The following SDK2 variants were observed in gnomAD, a reference collection of about 807,000 sequenced individuals.
SDK2 encodes the protein sidekick cell adhesion molecule 2.
Under a neutral mutation model 253.9 loss-of-function variants are expected in SDK2, and 105 were observed. The observed-to-expected ratio is 0.41, with a 90% CI of 0.35 to 0.49. SDK2 has a LOEUF of 0.49. Ranked by LOEUF, SDK2 falls within the 20% of genes least tolerant of loss-of-function variation. The pLI is 0.06. For synonymous variants in SDK2, 1,249 were observed against 1,234.9 expected, an observed-to-expected ratio of 1.01 and a Z score of -0.24; for missense variants, 2,608 against 3,003.0, an observed-to-expected ratio of 0.87 and a Z score of 3.07.
chr17:73,445,698 T>TGGCAGGCAGGCAGGCAGGCA (rs35240393), intron 5 of SDK2, among the ~76,000 whole-genome samples: 2 of 151,226 alleles, frequency 1.3e-5, no homozygotes, highest in African/African-American at 4.9e-5. Context: ...ACAAATTGGT[T>TGGCAGGCAGGCAGGCAGGCA]GGCAGGCAGG....
rs1250518078 is a variant in SDK2, at chr17:73,496,782, C to T, written c.224+10656G>A. Reference sequence around the variant, plus strand: ...TACTTGCCTGTGAGGATTCCCCCTCCACTCCCTGCCCCGACTTGCTCATCC... The same window carrying T: ...TACTTGCCTGTGAGGATTCCCCCTCTACTCCCTGCCCCGACTTGCTCATCC... On this transcript the variant is annotated intron_variant, in intron 2 of 44. Coordinates refer to ENST00000392650, the MANE Select transcript of SDK2 (RefSeq NM_001144952.2). The surrounding 1 kb of genome is among the most constrained non-coding windows in gnomAD (Gnocchi z 4.7). Among the ~76,000 whole-genome samples, 2 of 152,200 alleles carry T rather than the reference C, an allele frequency of 1.3e-5. No individual in the cohort carries two copies. The highest frequency in any genetic ancestry group is 2.9e-5 in the Non-Finnish European group (2 of 68,046).
chr17:73,580,385 G>C (rs1158059411), intron 1 of SDK2, among the ~76,000 whole-genome samples: 4 of 152,258 alleles, frequency 2.6e-5, no homozygotes, highest in African/African-American at 4.8e-5. Flanking sequence ...CCTGGTGTTA[G>C]CACCCCTTTC....
intron 1 of SDK2, among the ~76,000 whole-genome samples, chr17:73,524,895 C>G (rs112541539): frequency 2.0e-5 from 3 of 152,378 alleles, no homozygotes; most frequent in African/African-American, 7.2e-5. Flanking sequence ...GCAGACGTTT[C>G]AGGCAGGAGC....
chr17:73,348,161 C>A (rs1230769955), intron 44 of SDK2, among the ~76,000 whole-genome samples: 1 of 152,244 alleles, frequency 6.6e-6, no homozygotes, highest in Non-Finnish European at 1.5e-5. Context: ...GGGCACCCAG[C>A]CCTTTGTTTC....
rs1491163613 is a variant in SDK2 at position 73,341,231 on chromosome 17, T to TTTC, written c.6166-2292_6166-2291insGAA. On this transcript the variant is annotated intron_variant, in intron 44 of 44. Coordinates refer to ENST00000392650, the MANE Select transcript of SDK2 (RefSeq NM_001144952.2). ...ATAAAAATATTAAATTATTCCTGAC[T>TTTC]TTTTTTTTTTTTTTTTTGACACTTT... 5.2e-4 allele frequency among the ~76,000 whole-genome samples: 5 copies of TTTC among 9,698 alleles called. No homozygotes were observed. In the Non-Finnish European group the frequency reaches 0.11, roughly 216 times the overall value. The allele number at this position is 9,698 out of a possible 152,430, so 6.4% of individuals were successfully genotyped here.
intron 1 of SDK2, among the ~76,000 whole-genome samples, chr17:73,595,330 G>A (rs2145905784): frequency 6.6e-6 from 1 of 152,296 alleles, no homozygotes. Context: ...GGTAATGAAT[G>A]CCGTTTGTGG....
Position 73,394,318 on chromosome 17 carries a change from G to A in SDK2, c.3599C>T (p.Ser1200Phe). 1 of 1,579,412 alleles carries A rather than the reference G, an allele frequency of 6.3e-7. No homozygotes were observed. The highest frequency in any genetic ancestry group is 8.6e-7 in the Non-Finnish European group (1 of 1,159,018). Residue 1200 changes from serine (S) to phenylalanine (F), a missense_variant, in exon 26 of 45, where the codon TCT becomes TTT. Transcript: ENST00000392650. ...TGCAGACACATTGGTGGGGCCGGAA[G>A]AGGGAACTGTGGGGGAAAGGGAGTG... ...VVGRTRESVP[S>F]SGPTNVSALA...
intron 2 of SDK2, among the ~76,000 whole-genome samples, chr17:73,479,331 G>A (rs1051941304): frequency 6.6e-6 from 1 of 152,236 alleles, no homozygotes; most frequent in African/African-American, 2.4e-5. Flanking sequence ...TGCTGAGCAT[G>A]TGCATGTCTG....
At chr17:73,380,760 G>A (rs1383442382) in intron 34 of SDK2, 134 bp downstream of exon 34, 1 of 761,490 alleles carries the variant, frequency 1.3e-6, no homozygotes, top group Non-Finnish European at 2.3e-6. Context: ...TTGTGTTCAG[G>A]GTAGTCCCGT....
intron 25 of SDK2, among the ~76,000 whole-genome samples, chr17:73,394,833 T>C (rs1044580881): frequency 1.3e-5 from 2 of 152,162 alleles, no homozygotes; most frequent in African/African-American, 4.8e-5. Flanking sequence ...CTGTGGTCTT[T>C]CAGGCACCAC....
At chr17:73,466,957 G>T (rs1055246429) in intron 3 of SDK2, among the ~76,000 whole-genome samples, 3 of 152,134 alleles carry the variant, frequency 2.0e-5, no homozygotes, top group African/African-American at 4.8e-5. Context: ...CACGCTTTCG[G>T]ACCTCCATCC....
At position 73,387,525 on chromosome 17, in the gene SDK2, A is replaced by G. The variant is rs112449963; in HGVS notation, c.4394+311T>C. On this transcript the variant is annotated intron_variant, in intron 30 of 44. Coordinates refer to ENST00000392650, the MANE Select transcript of SDK2 (RefSeq NM_001144952.2). ...CCCTATTAAAGCTGGAGAGGAAGAT[A>G]CCGCCCGGCTGGAAGAATCACTAAT... Among the ~76,000 whole-genome samples, 206 of 152,318 alleles carry G rather than the reference A, an allele frequency of 1.4e-3. 1 individual carries two copies. Among genetic ancestry groups the G allele is most frequent in the African/African-American group, 4.7e-3 (194 of 41,572 alleles).
At chr17:73,402,350 C>T (rs2063035865) in intron 18 of SDK2, among the ~76,000 whole-genome samples, 2 of 152,230 alleles carry the variant, frequency 1.3e-5, no homozygotes, top group African/African-American at 4.8e-5. Context: ...GAGCCACTGA[C>T]TTTATGCAAA....
chr17:73,608,187 G>A (rs1054476620), intron 1 of SDK2, among the ~76,000 whole-genome samples: 20 of 152,018 alleles, frequency 1.3e-4, no homozygotes, highest in African/African-American at 4.8e-4. Flanking sequence ...GGTGTTGGAC[G>A]ACCTCAACAG....
intron 1 of SDK2, among the ~76,000 whole-genome samples, chr17:73,579,165 C>G (rs2045498566): frequency 6.6e-6 from 1 of 152,174 alleles, no homozygotes; most frequent in South Asian, 2.1e-4. Flanking sequence ...TGAGCTCCTG[C>G]CACCTCTGCC....
chr17:73,577,258 C>T (rs1054536186), intron 1 of SDK2, among the ~76,000 whole-genome samples: 2 of 152,220 alleles, frequency 1.3e-5, no homozygotes, highest in Non-Finnish European at 2.9e-5. Context: ...CCTGTAAAGT[C>T]TTCAGTGGAA....
intron 37 of SDK2, 101 bp from the exon 38 acceptor site, chr17:73,365,496 G>C (rs903563816): frequency 7.8e-7 from 1 of 1,281,200 alleles, no homozygotes; most frequent in Non-Finnish European, 1.0e-6. Flanking sequence ...GTCTGAGCCC[G>C]GGAGGAACAA....
intron 12 of SDK2, among the ~76,000 whole-genome samples, chr17:73,426,041 ATATTTTATTT>A (rs762591136): frequency 2.6e-5 from 4 of 151,320 alleles, no homozygotes; most frequent in African/African-American, 2.4e-5. Context: ...TCCTATTTTT[ATATTTTATTT>A]TATTTTATTT....
intron 21 of SDK2, among the ~76,000 whole-genome samples, chr17:73,400,289 G>C (rs2063011427): frequency 6.6e-6 from 1 of 152,200 alleles, no homozygotes. Flanking sequence ...CTCTGTGCCA[G>C]GCCTAGGAGT....
Sources: gnomAD v4.1 joint callset for allele counts (sites outside exome capture counted in the v4.1 genomes callset) on GRCh38, gnomAD v4.1.1 for gene constraint, Gnocchi (gnomAD v3.1) non-coding constraint, MANE v1.5 for transcripts, NCBI Gene and HGNC (gene_info 2026-07-23, HGNC 2026-07-21) for gene names.